Variants in FRZB observed in about 807,000 individuals in gnomAD.
The protein encoded by FRZB is frizzled related protein, also known as secreted frizzled-related protein 3.
Under a neutral mutation model 32.5 loss-of-function variants are expected in FRZB, and 34 were observed. The ratio of observed to expected loss-of-function variants is 1.05; its 90% CI spans 0.80 to 1.39. The LOEUF (loss-of-function observed/expected upper bound fraction) is 1.39, where lower values mean the gene tolerates loss of function less well. Among genes scored for constraint, FRZB ranks in the 40% most tolerant of loss-of-function variants. The pLI is 0.00. For missense variants in FRZB, 423 were observed against 424.8 expected (o/e 1.00, Z 0.04); for synonymous variants, 170 against 159.2 (o/e 1.07, Z -0.51).
rs557535084 is a variant in FRZB at position 182,858,223 on chromosome 2, G to A, written c.526+563C>T. ...TGGAATGTTTATAGTAGCTCTATTC[G>A]CGATTGCTCCAAACTGGAGACAACC... On this transcript the variant is annotated intron_variant, in intron 2 of 5. Coordinates refer to ENST00000295113, the MANE Select transcript of FRZB (RefSeq NM_001463.4). 2.9e-3 allele frequency among the ~76,000 whole-genome samples: 442 copies of A among 152,212 alleles called. 2 individuals carry two copies. Among genetic ancestry groups the A allele is most frequent in the African/African-American group, 0.01 (422 of 41,526 alleles).
intron 2 of FRZB, among the ~76,000 whole-genome samples, chr2:182,843,474 A>C (rs1695606809): frequency 1.3e-5 from 2 of 152,194 alleles, no homozygotes; most frequent in African/African-American, 4.8e-5. Flanking sequence ...ATTATCTTAA[A>C]ATATTTAATT....
At position 182,837,942 on chromosome 2, in the gene FRZB, G is replaced by T. The variant is rs111740973; in HGVS notation, c.861+6C>A. ...GTATTACTTCAAACATAAAATACAG[G>T]CTTACCTTAACTTTTTTACCGAGTC... On this transcript the variant is annotated splice_donor_region_variant and intron_variant, in intron 5 of 5. Transcript: ENST00000295113. The T allele has an allele frequency of 4.6e-3, 7,401 of 1,608,016 alleles. 27 individuals carry two copies. The highest frequency in any genetic ancestry group is 5.8e-3 in the Non-Finnish European group (6,841 of 1,175,466).
chr2:182,854,740 T>C (rs1695749483), intron 2 of FRZB, among the ~76,000 whole-genome samples: 1 of 152,218 alleles, frequency 6.6e-6, no homozygotes, highest in South Asian at 2.1e-4. Flanking sequence ...CCCATTACTT[T>C]GTCTCTCTCT....
Position 182,855,025 on chromosome 2 carries a change from C to T in FRZB, c.526+3761G>A, listed in dbSNP as rs114131103. 8.8e-3 allele frequency among the ~76,000 whole-genome samples: 1,332 copies of T among 152,212 alleles called. 16 individuals are homozygous for T. The highest frequency in any genetic ancestry group is 0.026 in the African/African-American group (1,087 of 41,532). On this transcript the variant is annotated intron_variant, in intron 2 of 5. Coordinates refer to ENST00000295113, the MANE Select transcript of FRZB (RefSeq NM_001463.4). ...AACTGCACTGTAGGATAAAGTATTG[C>T]TCTGACCTCATACTGGCCACTGAGT... is the stretch of plus-strand genomic sequence containing the variant.
chr2:182,845,990 A>T (rs1695635264), intron 2 of FRZB, among the ~76,000 whole-genome samples: 1 of 152,244 alleles, frequency 6.6e-6, no homozygotes, highest in Non-Finnish European at 1.5e-5. Context: ...GCCCCATGAT[A>T]CACGCAGTGC....
intron 3 of FRZB, among the ~76,000 whole-genome samples, chr2:182,840,396 T>C (rs983752095): frequency 6.6e-6 from 1 of 152,092 alleles, no homozygotes; most frequent in African/African-American, 2.4e-5. Context: ...GTCTACTATT[T>C]TCATTAGAAA....
chr2:182,835,858 G>A (rs1465669786), intron 5 of FRZB, among the ~76,000 whole-genome samples: 5 of 152,048 alleles, frequency 3.3e-5, no homozygotes, highest in Non-Finnish European at 7.4e-5. Flanking sequence ...AGATCCTTGG[G>A]TCAGATGGCC....
intron 2 of FRZB, among the ~76,000 whole-genome samples, chr2:182,854,589 C>G (rs1185617973): frequency 6.6e-6 from 1 of 152,212 alleles, no homozygotes; most frequent in Non-Finnish European, 1.5e-5. Context: ...CTCTTGCATT[C>G]CATTCCTCCA....
chr2:182,845,013 T>C (rs1220699651), intron 2 of FRZB, among the ~76,000 whole-genome samples: 1 of 152,074 alleles, frequency 6.6e-6, no homozygotes, highest in Non-Finnish European at 1.5e-5. Context: ...CTCGATAAAA[T>C]AACAGTAATA....
intron 2 of FRZB, among the ~76,000 whole-genome samples, chr2:182,847,444 T>C (rs79908577): frequency 6.6e-6 from 1 of 152,148 alleles, no homozygotes; most frequent in East Asian, 1.9e-4. Context: ...TAGTCCTCTG[T>C]GTCAAATGAC....
At chr2:182,839,924 A>C (rs1054673214) in intron 3 of FRZB, among the ~76,000 whole-genome samples, 2 of 152,122 alleles carry the variant, frequency 1.3e-5, no homozygotes, top group Non-Finnish European at 2.9e-5. Flanking sequence ...AAAGGATTAG[A>C]AGAAAGTAAT....
chr2:182,841,913 T>C (rs1310377182), intron 3 of FRZB, among the ~76,000 whole-genome samples: 1 of 152,180 alleles, frequency 6.6e-6, no homozygotes, highest in East Asian at 1.9e-4. Flanking sequence ...TTTGGATTGG[T>C]GGCTCTTCAA....
At chr2:182,851,049 A>G (rs927207559) in intron 2 of FRZB, among the ~76,000 whole-genome samples, 3 of 152,166 alleles carry the variant, frequency 2.0e-5, no homozygotes, top group African/African-American at 7.2e-5. Flanking sequence ...TCTTTTGCCC[A>G]TTTTTAGATT....
At chr2:182,846,226 C>A (rs894737854) in intron 2 of FRZB, among the ~76,000 whole-genome samples, 2 of 152,170 alleles carry the variant, frequency 1.3e-5, no homozygotes, top group African/African-American at 2.4e-5. Flanking sequence ...ACTGGACTGT[C>A]ACTATTTAAT....
intron 2 of FRZB, among the ~76,000 whole-genome samples, chr2:182,852,916 T>A (rs1324727954): frequency 2.0e-5 from 3 of 152,146 alleles, no homozygotes; most frequent in African/African-American, 7.2e-5. Context: ...TTAACTAGAG[T>A]GAAAGAATTT....
intron 2 of FRZB, among the ~76,000 whole-genome samples, chr2:182,844,641 T>C (rs1014691622): frequency 2.6e-5 from 4 of 152,158 alleles, no homozygotes; most frequent in Non-Finnish European, 4.4e-5. Flanking sequence ...CTGAATTGAG[T>C]CTAATTTGAT....
rs1695557000 is a variant in FRZB at position 182,838,851 on chromosome 2, C to T, written c.593-238G>A. Among the ~76,000 whole-genome samples, 12 of 152,100 alleles carry T rather than the reference C, an allele frequency of 7.9e-5. No homozygotes were observed. The South Asian group carries it at 2.5e-3, about 32-fold the overall frequency. ...CAATTTGTGGCTGTGTATATATTTG[C>T]ATGTATTTATGCATGTGTGTGCATG... On this transcript the variant is annotated intron_variant, in intron 3 of 5. Coordinates refer to ENST00000295113, the MANE Select transcript of FRZB (RefSeq NM_001463.4).
At chr2:182,860,351 A>G (rs1414077565) in intron 1 of FRZB, among the ~76,000 whole-genome samples, 1 of 152,190 alleles carries the variant, frequency 6.6e-6, no homozygotes, top group Non-Finnish European at 1.5e-5. Flanking sequence ...ATTTTAAGCA[A>G]AAGATTTGCA....
At chr2:182,851,136 A>G (rs1007028357) in intron 2 of FRZB, among the ~76,000 whole-genome samples, 2 of 152,210 alleles carry the variant, frequency 1.3e-5, no homozygotes, top group Admixed American at 1.3e-4. Context: ...AGCTCTTGCC[A>G]GATACTTTGC....
Sources: gnomAD v4.1 joint callset for allele counts (sites outside exome capture counted in the v4.1 genomes callset) on GRCh38, gnomAD v4.1.1 for gene constraint, MANE v1.5 for transcripts, NCBI Gene and HGNC (gene_info 2026-07-23, HGNC 2026-07-21) for gene names.